ADCY2: variants seen among roughly 807,000 people sequenced by gnomAD.
ADCY2 encodes the protein adenylate cyclase 2.
In ADCY2, 31 loss-of-function variants were observed where a neutral mutation model predicts 125.2. The observed-to-expected ratio is 0.25, with a 90% CI of 0.19 to 0.33. The LOEUF (loss-of-function observed/expected upper bound fraction) is 0.33. Ranked by LOEUF, ADCY2 falls within the 10% of genes least tolerant of loss-of-function variation. ADCY2 has a pLI of 1.00. For missense variants in ADCY2, 904 were observed against 1,418.2 expected (o/e 0.64, Z 5.82); for synonymous variants, 512 against 548.4 (o/e 0.93, Z 0.93).
rs1025863667 is a variant in ADCY2 at position 7,802,993 on chromosome 5, A to G, written c.2775+629A>G. On this transcript the variant is annotated intron_variant, in intron 21 of 24. Coordinates refer to ENST00000338316, the MANE Select transcript of ADCY2 (RefSeq NM_020546.3). This position sits in a 1 kb window ranked among gnomAD's most constrained non-coding sequence, Gnocchi z 4.6. ...TCTTGCAAAATAGAAGAAAATTGAC[A>G]TCTGTCCAGGAGCATATGTTAATGA... Among the ~76,000 whole-genome samples the G allele has an allele frequency of 2.0e-5, 3 of 152,194 alleles. No individual in the cohort carries two copies. Among genetic ancestry groups the G allele is most frequent in the African/African-American group, 7.2e-5 (3 of 41,450 alleles).
At chr5:7,482,732 G>T (rs12153634) in intron 2 of ADCY2, among the ~76,000 whole-genome samples, 23,739 of 145,990 alleles carry the variant, frequency 0.16, 2,492 homozygotes, top group East Asian at 0.44. Context: ...ACCCACCTAA[G>T]TGTCTATCAG....
At chr5:7,620,896 G>GAA (rs113307576) in intron 3 of ADCY2, among the ~76,000 whole-genome samples, 1,793 of 144,134 alleles carry the variant, frequency 0.012, 27 homozygotes, top group African/African-American at 0.041. Context: ...TTAGTTCATA[G>GAA]AAAAAAAAAA....
chr5:7,580,651 GAGA>G, intron 3 of ADCY2, among the ~76,000 whole-genome samples: 1 of 152,164 alleles, frequency 6.6e-6, no homozygotes, highest in East Asian at 1.9e-4. Flanking sequence ...AGAGAGGATG[GAGA>G]AGAACATATA....
At chr5:7,722,334 C>T (rs766045134) in intron 12 of ADCY2, among the ~76,000 whole-genome samples, 13 of 152,136 alleles carry the variant, frequency 8.5e-5, no homozygotes, top group Non-Finnish European at 1.5e-4. Context: ...TTTTCACTTC[C>T]TTGATTTCAC....
chr5:7,551,124 G>C (rs990303712), intron 3 of ADCY2, among the ~76,000 whole-genome samples: 1 of 143,664 alleles, frequency 7.0e-6, no homozygotes, highest in African/African-American at 2.6e-5. Context: ...TTAACCTTCT[G>C]ATCCTTGTGT....
intron 2 of ADCY2, among the ~76,000 whole-genome samples, chr5:7,507,600 T>G (rs1289189486): frequency 6.6e-6 from 1 of 152,208 alleles, no homozygotes. Flanking sequence ...AGGCACTTTC[T>G]GATAAACATT....
intron 18 of ADCY2, among the ~76,000 whole-genome samples, chr5:7,774,421 G>T (rs2126484346): frequency 6.6e-6 from 1 of 152,336 alleles, no homozygotes; most frequent in East Asian, 1.9e-4. Flanking sequence ...AGCCTGTGTT[G>T]TATTCCTAAA....
chr5:7,726,319 C>G (rs1741930122), intron 13 of ADCY2, among the ~76,000 whole-genome samples: 1 of 152,270 alleles, frequency 6.6e-6, no homozygotes, highest in South Asian at 2.1e-4. Context: ...CTGTATCTCA[C>G]TGATTGTAGT....
At chr5:7,724,114 CA>C (rs1272949604) in intron 12 of ADCY2, among the ~76,000 whole-genome samples, 1,927 of 76,420 alleles carry the variant, frequency 0.025, 22 homozygotes, top group African/African-American at 0.098. Context: ...TAGAAGCTAA[CA>C]AAAAAAAAAA....
Position 7,766,806 on chromosome 5 carries a change from G to A in ADCY2, c.2214G>A (p.Pro738=). 6.2e-7 allele frequency: 1 copy of A among 1,608,940 alleles called. No individual in the cohort carries two copies. The highest frequency in any genetic ancestry group is 8.5e-7 in the Non-Finnish European group (1 of 1,178,836). Residue 738 remains proline (P), a splice_region_variant and synonymous_variant, in exon 17 of 25, where the codon CCG becomes CCA. Coordinates refer to ENST00000338316, the MANE Select transcript of ADCY2 (RefSeq NM_020546.3). ...ILRAQNLFFL[P]YFIYSCILGL... is the part of the protein sequence containing the mutation. Reference sequence around the variant, plus strand: ...GTGCGCAGAATTTATTTTTCCTCCCGGTAAGAACATTGCAATTATGACTGC... The same window carrying A: ...GTGCGCAGAATTTATTTTTCCTCCCAGTAAGAACATTGCAATTATGACTGC...
rs569987829 is a variant in ADCY2 at position 7,709,825 on chromosome 5, A to T, written c.1578+438A>T. Among the ~76,000 whole-genome samples the T allele has an allele frequency of 2.0e-5, 3 of 152,286 alleles. No homozygotes were observed. Among genetic ancestry groups the T allele is most frequent in the South Asian group, 4.1e-4 (2 of 4,824 alleles). On this transcript the variant is annotated intron_variant, in intron 10 of 24. Coordinates refer to ENST00000338316, the MANE Select transcript of ADCY2 (RefSeq NM_020546.3). The surrounding 1 kb of genome is among the most constrained non-coding windows in gnomAD (Gnocchi z 4.4). ...GTCCAGGCTGTGTGGGCAGCAGTGG[A>T]TACTATCTTGTTATGGTTCCATGTT...
intron 20 of ADCY2, chr5:7,798,894 C>T (rs1744509402): frequency 6.6e-6 from 1 of 152,076 alleles, no homozygotes; most frequent in Admixed American, 6.5e-5. Context: ...TGGACTGGGG[C>T]CTCTAATTAT....
chr5:7,730,796 CTG>C (rs1163119426), intron 14 of ADCY2, among the ~76,000 whole-genome samples: 3 of 151,126 alleles, frequency 2.0e-5, no homozygotes, highest in African/African-American at 7.3e-5. Context: ...TCTTTCCTCT[CTG>C]AGTGCTTTTA....
chr5:7,587,035 T>C (rs1163746220), intron 3 of ADCY2, among the ~76,000 whole-genome samples: 1 of 152,186 alleles, frequency 6.6e-6, no homozygotes, highest in African/African-American at 2.4e-5. Flanking sequence ...TTTAATCCCC[T>C]AGTTTACAGG....
In ADCY2 at chr5:7,434,843, C is replaced by T. The variant is rs1040458288; in HGVS notation, c.408+20073C>T. Among the ~76,000 whole-genome samples the T allele has an allele frequency of 2.6e-5, 4 of 152,292 alleles. No homozygotes were observed. The East Asian group carries it at 5.8e-4, about 22-fold the overall frequency. On this transcript the variant is annotated intron_variant, in intron 2 of 24. Coordinates refer to ENST00000338316, the MANE Select transcript of ADCY2 (RefSeq NM_020546.3). Reference sequence around the variant, plus strand: ...ATGGTCTCAGCCAAGACTCTTTCAGCGTCTGTGCTGTGGGAGGCCTGCATG... The same window carrying T: ...ATGGTCTCAGCCAAGACTCTTTCAGTGTCTGTGCTGTGGGAGGCCTGCATG...
chr5:7,703,462 C>T (rs1235687920), intron 7 of ADCY2, among the ~76,000 whole-genome samples: 2 of 151,946 alleles, frequency 1.3e-5, no homozygotes, highest in East Asian at 3.9e-4. Flanking sequence ...GTTTTCCCAG[C>T]ACCATTTATT....
At chr5:7,454,784 A>G (rs1360162091) in intron 2 of ADCY2, among the ~76,000 whole-genome samples, 3 of 152,090 alleles carry the variant, frequency 2.0e-5, no homozygotes, top group Non-Finnish European at 4.4e-5. Flanking sequence ...TGTATCTTCA[A>G]TTTAGTAGCT....
At chr5:7,568,029 T>C (rs182552716) in intron 3 of ADCY2, among the ~76,000 whole-genome samples, 1 of 152,158 alleles carries the variant, frequency 6.6e-6, no homozygotes, top group Non-Finnish European at 1.5e-5. Flanking sequence ...GAGCTGGTTC[T>C]ATCCATTTAA....
chr5:7,439,443 C>T (rs780307608), intron 2 of ADCY2, among the ~76,000 whole-genome samples: 5 of 151,924 alleles, frequency 3.3e-5, no homozygotes, highest in Non-Finnish European at 7.4e-5. Context: ...ATTAAATTAT[C>T]TCTACCTGGC....
Sources: gnomAD v4.1 joint callset for allele counts (sites outside exome capture counted in the v4.1 genomes callset) on GRCh38, gnomAD v4.1.1 for gene constraint, Gnocchi (gnomAD v3.1) non-coding constraint, MANE v1.5 for transcripts, NCBI Gene and HGNC (gene_info 2026-07-23, HGNC 2026-07-21) for gene names.